The following PPP2R2B variants were observed in gnomAD, a reference collection of about 807,000 sequenced individuals.
PPP2R2B encodes protein phosphatase 2 regulatory subunit Bbeta, also known as serine/threonine-protein phosphatase 2A 55 kDa regulatory subunit B beta isoform.
A neutral mutation model predicts 46.0 loss-of-function variants in PPP2R2B; 5 were observed. That is an observed-to-expected ratio of 0.11 (90% CI 0.06 to 0.23). The LOEUF (loss-of-function observed/expected upper bound fraction) is 0.23. Ranked by LOEUF, PPP2R2B falls within the 10% of genes least tolerant of loss-of-function variation. The probability of loss-of-function intolerance (pLI) is 1.00; values close to 1 mark genes in which losing one functional copy is unlikely to be tolerated. For missense variants in PPP2R2B, 367 were observed against 575.0 expected (o/e 0.64, Z 3.70); for synonymous variants, 215 against 206.7 (o/e 1.04, Z -0.34).
Position 146,852,204 on chromosome 5 carries a change from TC to T in PPP2R2B, c.70+25797del, listed in dbSNP as rs564942634. 2.9e-3 allele frequency among the ~76,000 whole-genome samples: 443 copies of T among 152,102 alleles called. 2 individuals carry two copies. The highest frequency in any genetic ancestry group is 5.4e-3 in the Admixed American group (83 of 15,258). On this transcript the variant is annotated intron_variant, in intron 2 of 9. Transcript: ENST00000394411. The stretch of plus-strand genomic sequence containing the variant: ...ATGAGGGGACAGGAAGCTGGGAGAA[TC>T]TCAAGAAAAGAAAATGCAGTCCCTA...
chr5:146,972,662 A>G (rs2151849291), intron 1 of PPP2R2B, among the ~76,000 whole-genome samples: 2 of 152,314 alleles, frequency 1.3e-5, no homozygotes, highest in South Asian at 4.1e-4. Context: ...AAGTCAGCTG[A>G]GATCATGCCA....
chr5:147,050,443 T>C (rs1405095700), intron 1 of PPP2R2B, among the ~76,000 whole-genome samples: 6 of 151,978 alleles, frequency 3.9e-5, no homozygotes, highest in South Asian at 2.1e-4. Context: ...GAGAAGAGAA[T>C]TTCAAACACA....
At chr5:146,710,881 G>T (rs534881837) in intron 2 of PPP2R2B, among the ~76,000 whole-genome samples, 2 of 152,260 alleles carry the variant, frequency 1.3e-5, no homozygotes, top group Admixed American at 1.3e-4. Context: ...GCACATGTTT[G>T]GTCAGAAATT....
chr5:146,720,676 T>TAAAA (rs1780745244), intron 2 of PPP2R2B, among the ~76,000 whole-genome samples: 1 of 152,154 alleles, frequency 6.6e-6, no homozygotes, highest in East Asian at 1.9e-4. Flanking sequence ...GACTTACAGA[T>TAAAA]ATTTATTAAG....
At chr5:146,876,118 AAG>A in intron 2 of PPP2R2B, among the ~76,000 whole-genome samples, 1 of 152,316 alleles carries the variant, frequency 6.6e-6, no homozygotes, top group East Asian at 1.9e-4. Flanking sequence ...GAGAAAGAGA[AAG>A]AAATCTGAGA....
rs762931345 is a variant in PPP2R2B, at chr5:146,590,074, T to G, written c.1205A>C (p.Asp402Ala). The change falls in exon 10 of 10, where the codon GAC becomes GCC. Residue 402 changes from aspartate to alanine, a missense_variant. By Grantham distance (126) the Asp-to-Ala change is moderately radical (BLOSUM62 -2). Around this residue, in one of 2 missense-constraint regions of PPP2R2B, gnomAD observed 361 missense variants for 545.5 expected, o/e 0.66. Coordinates refer to ENST00000394411, the MANE Select transcript of PPP2R2B (RefSeq NM_181675.4). ...GTCCAGACTGTCGACACTGATCTCG[T>G]CTTTTCTCCGCTTGCCCCCCACACA... The part of the protein sequence containing the change: ...KVCVGGKRRK[D>A]EISVDSLDFS... The G allele has an allele frequency of 6.2e-7, 1 of 1,614,138 alleles. No homozygotes were observed. The highest frequency in any genetic ancestry group is 1.1e-5 in the South Asian group (1 of 91,080).
At chr5:146,599,632 C>T (rs1027265044) in intron 8 of PPP2R2B, among the ~76,000 whole-genome samples, 1 of 152,244 alleles carries the variant, frequency 6.6e-6, no homozygotes, top group East Asian at 1.9e-4. Context: ...CTCTTGACAC[C>T]AGGCCTTTGA....
chr5:147,001,382 G>A (rs976364958), intron 1 of PPP2R2B, among the ~76,000 whole-genome samples: 5 of 151,962 alleles, frequency 3.3e-5, no homozygotes, highest in Non-Finnish European at 5.9e-5. Flanking sequence ...AACCCACCAG[G>A]AGGAAGAAAC....
intron 7 of PPP2R2B, among the ~76,000 whole-genome samples, chr5:146,623,241 G>T (rs1417191259): frequency 1.3e-5 from 2 of 152,226 alleles, no homozygotes; most frequent in East Asian, 3.8e-4. Flanking sequence ...CATAGGATAT[G>T]CTGAGGATAA....
intron 5 of PPP2R2B, among the ~76,000 whole-genome samples, chr5:146,663,210 G>A (rs1776774912): frequency 6.6e-6 from 1 of 152,146 alleles, no homozygotes; most frequent in African/African-American, 2.4e-5. Context: ...GTACTTGCTG[G>A]AGCTGAGACA....
intron 2 of PPP2R2B, among the ~76,000 whole-genome samples, chr5:146,875,965 A>G (rs1761875514): frequency 6.6e-6 from 1 of 152,194 alleles, no homozygotes; most frequent in Non-Finnish European, 1.5e-5. Context: ...TTCTTGTTCT[A>G]TCCAACTTCT....
chr5:146,866,389 T>G (rs545291612), intron 2 of PPP2R2B, among the ~76,000 whole-genome samples: 4 of 152,312 alleles, frequency 2.6e-5, no homozygotes, highest in East Asian at 3.9e-4. Context: ...TGATTGATAC[T>G]GGGAAAGATG....
intron 2 of PPP2R2B, among the ~76,000 whole-genome samples, chr5:146,781,613 A>G (rs1316997343): frequency 6.6e-6 from 1 of 151,950 alleles, no homozygotes; most frequent in Non-Finnish European, 1.5e-5. Flanking sequence ...GAGCCAAGAA[A>G]AAAAAAAAAG....
At chr5:146,626,688 G>A (rs555385709) in intron 7 of PPP2R2B, among the ~76,000 whole-genome samples, 1 of 152,058 alleles carries the variant, frequency 6.6e-6, no homozygotes, top group African/African-American at 2.4e-5. Flanking sequence ...ATGTCCCAAG[G>A]CCAGAGCCAT....
intron 1 of PPP2R2B, among the ~76,000 whole-genome samples, chr5:146,900,600 T>TTCTTTCCG (rs1466875111): frequency 1.0e-4 from 15 of 150,520 alleles, no homozygotes; most frequent in African/African-American, 3.7e-4. Flanking sequence ...CCTTCTTTCC[T>TTCTTTCCG]TCTTTTCTTT....
intron 1 of PPP2R2B, among the ~76,000 whole-genome samples, chr5:146,934,058 C>T (rs1300191787): frequency 6.6e-6 from 1 of 152,080 alleles, no homozygotes; most frequent in East Asian, 1.9e-4. Flanking sequence ...ATATGTGCCA[C>T]ATTTTCTTAA....
At chr5:146,946,072 T>C (rs1764470859) in intron 1 of PPP2R2B, among the ~76,000 whole-genome samples, 1 of 152,176 alleles carries the variant, frequency 6.6e-6, no homozygotes, top group African/African-American at 2.4e-5. Flanking sequence ...CCGTTAGTCA[T>C]GTGGATTCTA....
intron 1 of PPP2R2B, among the ~76,000 whole-genome samples, chr5:147,011,271 C>G (rs1257819644): frequency 3.3e-5 from 5 of 151,788 alleles, no homozygotes; most frequent in Non-Finnish European, 5.9e-5. Flanking sequence ...TAGGACCTTC[C>G]CTTTCAGTCC....
intron 1 of PPP2R2B, among the ~76,000 whole-genome samples, chr5:146,975,343 T>G (rs1752851359): frequency 6.6e-6 from 1 of 152,230 alleles, no homozygotes; most frequent in African/African-American, 2.4e-5. Context: ...ATTTCCTTCT[T>G]TCTTAAGAAT....
Sources: gnomAD v4.1 joint callset for allele counts (sites outside exome capture counted in the v4.1 genomes callset) on GRCh38, gnomAD v4.1.1 for gene constraint, gnomAD v4.1.1 regional missense constraint, MANE v1.5 for transcripts, NCBI Gene and HGNC (gene_info 2026-07-23, HGNC 2026-07-21) for gene names.